The following PTPRO variants were observed in gnomAD, a reference collection of about 807,000 sequenced individuals.
PTPRO encodes the protein protein tyrosine phosphatase receptor type O.
A neutral mutation model predicts 145.2 loss-of-function variants in PTPRO; 62 were observed. The observed-to-expected ratio is 0.43, with a 90% confidence interval of 0.35 to 0.53. The LOEUF (loss-of-function observed/expected upper bound fraction) is 0.53. Ranked by LOEUF, PTPRO falls within the 20% of genes least tolerant of loss-of-function variation. The pLI is 0.01. For synonymous variants in PTPRO, 565 were observed against 514.7 expected (o/e 1.10, Z -1.32); for missense variants, 1,345 against 1,482.7 (o/e 0.91, Z 1.53).
rs114428687 is a variant in PTPRO, at chr12:15,572,399, A to G, written c.2829+2901A>G. The stretch of plus-strand genomic sequence containing the variant: ...TCCTAAAACTATACAAAGAGTAGAT[A>G]TCAACATTTGTAATCATTGATAATG... On this transcript the variant is annotated intron_variant, in intron 19 of 26. Coordinates refer to ENST00000281171, the MANE Select transcript of PTPRO (RefSeq NM_030667.3). Among the ~76,000 whole-genome samples, 591 of 152,366 alleles carry G rather than the reference A, an allele frequency of 3.9e-3. 1 individual carries two copies. Among genetic ancestry groups the G allele is most frequent in the Middle Eastern group, 0.037 (11 of 294 alleles).
chr12:15,546,459 C>G, intron 12 of PTPRO, 110 bp from the exon 13 acceptor site: 1 of 1,526,812 alleles, frequency 6.5e-7, no homozygotes, highest in Non-Finnish European at 8.8e-7. Context: ...CTTTATGGTG[C>G]TCTTACCTAC....
intron 1 of PTPRO, among the ~76,000 whole-genome samples, chr12:15,444,427 C>A (rs1460358780): frequency 6.6e-6 from 1 of 151,984 alleles, no homozygotes; most frequent in African/African-American, 2.4e-5. Context: ...TATCCCAAAC[C>A]TCAGCATCAC....
intron 1 of PTPRO, among the ~76,000 whole-genome samples, chr12:15,461,619 G>A (rs1941304989): frequency 7.5e-6 from 1 of 133,866 alleles, no homozygotes; most frequent in Admixed American, 8.5e-5. Flanking sequence ...CCAGGCTGGA[G>A]TACAGTGGTG....
At chr12:15,423,028 C>T (rs1181193667) in intron 1 of PTPRO, among the ~76,000 whole-genome samples, 2 of 152,120 alleles carry the variant, frequency 1.3e-5, no homozygotes, top group African/African-American at 4.8e-5. Flanking sequence ...GTTTGTTTAA[C>T]TTTTTGAGGA....
At chr12:15,580,625 C>T (rs1944289375) in intron 21 of PTPRO, 72 bp from the exon 22 acceptor site, 1 of 1,597,398 alleles carries the variant, frequency 6.3e-7, no homozygotes, top group African/African-American at 1.3e-5. Context: ...CAGTTTTTTT[C>T]CCATAGGCGT....
intron 1 of PTPRO, among the ~76,000 whole-genome samples, chr12:15,406,557 G>A (rs1018511985): frequency 6.6e-6 from 1 of 152,142 alleles, no homozygotes; most frequent in Middle Eastern, 3.4e-3. Flanking sequence ...TTCAATTTCT[G>A]ATTAGGCTGA....
chr12:15,381,750 T>A (rs1350541316), intron 1 of PTPRO, among the ~76,000 whole-genome samples: 2 of 152,188 alleles, frequency 1.3e-5, no homozygotes, highest in Non-Finnish European at 2.9e-5. Context: ...GTAGATTTAA[T>A]GTGTTTAATT....
At chr12:15,360,686 CTTA>C (rs775539740) in intron 1 of PTPRO, among the ~76,000 whole-genome samples, 3 of 150,706 alleles carry the variant, frequency 2.0e-5, no homozygotes, top group Non-Finnish European at 3.0e-5. Flanking sequence ...CAAATTTTCT[CTTA>C]TATTTATATG....
intron 1 of PTPRO, among the ~76,000 whole-genome samples, chr12:15,480,721 AGATGGATGGATGGATGGATGGATG>A (rs58620856): frequency 2.0e-5 from 3 of 150,858 alleles, no homozygotes; most frequent in Non-Finnish European, 4.4e-5. Context: ...CTGATGTAGA[AGATGGATGGATGGATGGATGGATG>A]GATGGATGGA....
intron 1 of PTPRO, among the ~76,000 whole-genome samples, chr12:15,376,657 C>A (rs1201252784): frequency 6.6e-6 from 1 of 152,144 alleles, no homozygotes; most frequent in Non-Finnish European, 1.5e-5. Context: ...GATCAAGGTG[C>A]CAACAGGTTC....
intron 1 of PTPRO, among the ~76,000 whole-genome samples, chr12:15,343,681 T>C (rs1194046032): frequency 1.3e-5 from 2 of 152,166 alleles, no homozygotes; most frequent in Non-Finnish European, 2.9e-5. Flanking sequence ...AGCAAGACCC[T>C]GTCTCAAAAA....
chr12:15,584,025 C>T (rs187045926), intron 23 of PTPRO, among the ~76,000 whole-genome samples: 3 of 152,302 alleles, frequency 2.0e-5, no homozygotes, highest in Admixed American at 1.3e-4. Context: ...GTGTCACCCC[C>T]TTTGTGGCGT....
intron 1 of PTPRO, among the ~76,000 whole-genome samples, chr12:15,375,910 G>C (rs955583987): frequency 1.3e-5 from 2 of 152,074 alleles, no homozygotes; most frequent in Non-Finnish European, 2.9e-5. Flanking sequence ...AGAAAGAAAG[G>C]TTAGTGAACT....
At chr12:15,464,563 C>T (rs578136965) in intron 1 of PTPRO, among the ~76,000 whole-genome samples, 8 of 150,642 alleles carry the variant, frequency 5.3e-5, no homozygotes, top group African/African-American at 1.9e-4. Context: ...GGGGGTTTCA[C>T]CATCTTGGCC....
intron 18 of PTPRO, among the ~76,000 whole-genome samples, chr12:15,566,168 T>A (rs1278964326): frequency 7.2e-5 from 11 of 152,204 alleles, no homozygotes; most frequent in African/African-American, 2.7e-4. Context: ...TAAGTGAAAA[T>A]TAACCCCCAG....
chr12:15,429,016 T>C (rs1182901901), intron 1 of PTPRO, among the ~76,000 whole-genome samples: 1 of 152,202 alleles, frequency 6.6e-6, no homozygotes, highest in East Asian at 1.9e-4. Flanking sequence ...AAGCTGCTAA[T>C]TACTTCTCAG....
chr12:15,382,563 G>A (rs1938895795), intron 1 of PTPRO, among the ~76,000 whole-genome samples: 1 of 152,182 alleles, frequency 6.6e-6, no homozygotes. Context: ...GCAGTAACAG[G>A]GCCCTCCAAG....
At chr12:15,459,312 C>T (rs1246851065) in intron 1 of PTPRO, among the ~76,000 whole-genome samples, 1 of 152,086 alleles carries the variant, frequency 6.6e-6, no homozygotes, top group Non-Finnish European at 1.5e-5. Context: ...TTTAGTAGCT[C>T]CAGGTGTCTG....
At chr12:15,520,670 G>A (rs1942697636) in intron 10 of PTPRO, among the ~76,000 whole-genome samples, 1 of 152,058 alleles carries the variant, frequency 6.6e-6, no homozygotes, top group South Asian at 2.1e-4. Flanking sequence ...ATATTTGTTA[G>A]AGTGCCTCCA....
Sources: gnomAD v4.1 joint callset for allele counts (sites outside exome capture counted in the v4.1 genomes callset) on GRCh38, gnomAD v4.1.1 for gene constraint, MANE v1.5 for transcripts, NCBI Gene and HGNC (gene_info 2026-07-23, HGNC 2026-07-21) for gene names.